The following AKR1C2 variants were observed in gnomAD, a reference collection of about 807,000 sequenced individuals.
AKR1C2 encodes the protein aldo-keto reductase family 1 member C2, also known as 3-alpha-HSD3.
In AKR1C2, 27 loss-of-function variants were observed where a neutral mutation model predicts 39.8. That is an observed-to-expected ratio of 0.68 (90% CI 0.50 to 0.93). AKR1C2 has a LOEUF of 0.93. Ranked by LOEUF, AKR1C2 falls within the 40% of genes least tolerant of loss-of-function variation. The pLI, the probability that AKR1C2 is intolerant of heterozygous loss-of-function variation, is 0.00. For synonymous variants in AKR1C2, 114 were observed against 137.9 expected, an observed-to-expected ratio of 0.83 and a Z score of 1.22; for missense variants, 263 against 365.1, an observed-to-expected ratio of 0.72 and a Z score of 2.28.
At chr10:5,000,188 C>T (rs1837212738) in intron 3 of AKR1C2, 1 of 1,407,292 alleles carries the variant, frequency 7.1e-7, no homozygotes, top group African/African-American at 1.4e-5. Context: ...CTATGTGCAG[C>T]AGGTTTTCTG....
rs13222 is a variant in AKR1C2 at position 4,995,770 on chromosome 10, A to G, written c.666T>C (p.His222=). ...TCTCTTATTACCATGGTTCTTCTCG[A>G]TGGGATCCCAGAGCACTATAGGCAA... The part of the protein sequence containing the change: ...VLVAYSALGS[H]REEPWVDPNS... The change falls in exon 6 of 9, where the codon CAT becomes CAC. Residue 222 remains histidine (H), a synonymous_variant. Transcript: ENST00000380753. 2.6e-3 allele frequency: 4,190 copies of G among 1,596,910 alleles called. 85 individuals carry two copies. The African/African-American group carries it at 0.045, about 17-fold the overall frequency.
upstream of AKR1C2, among the ~76,000 whole-genome samples, chr10:5,008,625 T>C (rs1186973992): frequency 1.3e-5 from 2 of 152,090 alleles, no homozygotes; most frequent in Non-Finnish European, 2.9e-5. Flanking sequence ...GAGAGGAATA[T>C]GAGGAAAGGG....
intron 7 of AKR1C2, among the ~76,000 whole-genome samples, chr10:4,993,778 T>TTAATCTA (rs1346921966): frequency 3.3e-5 from 5 of 151,620 alleles, no homozygotes; most frequent in Non-Finnish European, 5.9e-5. Context: ...TGGTTTCTAG[T>TTAATCTA]TAATCTAACA....
chr10:4,989,937 C>T lies in AKR1C2; in HGVS notation c.*59G>A. On this transcript the variant is annotated 3_prime_UTR_variant, in exon 9 of 9. Transcript: ENST00000380753. The stretch of plus-strand genomic sequence containing the variant: ...GTCCAGTCACCAGCATAGAGCCATC[C>T]TCTGTGTCACCATCCACACGCAGGG... 2 of 1,469,460 alleles carry T rather than the reference C, an allele frequency of 1.4e-6. No homozygotes were observed. Among genetic ancestry groups the T allele is most frequent in the South Asian group, 2.3e-5 (2 of 85,824 alleles). The allele number at this position is 1,469,460 out of a possible 1,614,324, so 91.0% of individuals were successfully genotyped here.
At chr10:5,005,590 G>A (rs1302790758), upstream of AKR1C2, among the ~76,000 whole-genome samples, 8 of 152,140 alleles carry the variant, frequency 5.3e-5, no homozygotes, top group African/African-American at 1.9e-4. Flanking sequence ...GGCTAAAGCA[G>A]AGGAATCGCT....
intron 1 of AKR1C2, among the ~76,000 whole-genome samples, chr10:5,011,929 G>A (rs111468914): frequency 1.6e-4 from 24 of 152,218 alleles, no homozygotes; most frequent in South Asian, 1.0e-3. Flanking sequence ...GTTATAACAT[G>A]GAAGTAGTTG....
chr10:4,996,417 A>G (rs1588300935), intron 5 of AKR1C2, among the ~76,000 whole-genome samples: 1 of 150,190 alleles, frequency 6.7e-6, no homozygotes, highest in Non-Finnish European at 1.5e-5. Flanking sequence ...TCCTTTTTGT[A>G]TGATGGATTT....
intron 7 of AKR1C2, among the ~76,000 whole-genome samples, chr10:4,993,011 G>T (rs1353633405): frequency 6.6e-6 from 1 of 151,916 alleles, no homozygotes. Context: ...ATTAAGAGAT[G>T]ATTTATTAAT....
At chr10:5,007,637 A>G (rs1435622150), upstream of AKR1C2, 4 of 150,506 alleles carry the variant, frequency 2.7e-5, no homozygotes, top group East Asian at 7.9e-4. Context: ...GCAGACATAA[A>G]TTTCAGGTCT....
At chr10:5,006,942 T>C (rs548096656), upstream of AKR1C2, among the ~76,000 whole-genome samples, 1,805 of 151,130 alleles carry the variant, frequency 0.012, 39 homozygotes, top group African/African-American at 0.042. Flanking sequence ...CCCAGCTAAT[T>C]TTTGTATTTT....
intron 1 of AKR1C2, chr10:5,013,618 G>T (rs1257480506): frequency 1.7e-4 from 27 of 157,414 alleles, no homozygotes; most frequent in African/African-American, 6.4e-4. Context: ...ATTTCTCCAG[G>T]GCCTAGGAAA....
At chr10:4,990,134 T>C in intron 8 of AKR1C2, 96 bp from the exon 9 acceptor site, 4 of 1,428,268 alleles carry the variant, frequency 2.8e-6, no homozygotes, top group Non-Finnish European at 3.8e-6. Context: ...CTAGTGTAGA[T>C]GTTAAGAAGT....
rs1836762716 is a variant in AKR1C2, at chr10:4,989,439, C to A, written c.*557G>T. The stretch of plus-strand genomic sequence containing the variant: ...CTGGTGCCCTCCCATCTCCCTAACC[C>A]CCCCTCACAGGGATGCCTCCTCCCA... On this transcript the variant is annotated 3_prime_UTR_variant, in exon 9 of 9. Coordinates refer to ENST00000380753, the MANE Select transcript of AKR1C2 (RefSeq NM_001393392.1). 1 of 151,386 alleles carries A rather than the reference C, an allele frequency of 6.6e-6. No individual in the cohort carries two copies. Among genetic ancestry groups the A allele is most frequent in the South Asian group, 2.1e-4 (1 of 4,722 alleles). 9.4% of individuals were successfully genotyped at this position (151,386 alleles called of 1,614,324 possible).
intron 1 of AKR1C2, chr10:5,010,397 G>A (rs547925275): frequency 1.1e-4 from 15 of 139,150 alleles, no homozygotes; most frequent in Admixed American, 6.5e-4. Flanking sequence ...TCTCGGGGTC[G>A]CCCAGGAGAG....
upstream of AKR1C2, among the ~76,000 whole-genome samples, chr10:5,005,714 CAAG>C (rs1305118209): frequency 6.6e-6 from 1 of 152,072 alleles, no homozygotes; most frequent in African/African-American, 2.4e-5. Flanking sequence ...TACAAAGAAA[CAAG>C]AAATCACAGT....
At chr10:5,001,937 T>G (rs1288391867) in intron 1 of AKR1C2, among the ~76,000 whole-genome samples, 7 of 152,230 alleles carry the variant, frequency 4.6e-5, no homozygotes, top group African/African-American at 1.7e-4. Flanking sequence ...ACAATTTCAC[T>G]TTCAGTGATT....
intron 8 of AKR1C2, among the ~76,000 whole-genome samples, chr10:4,990,731 A>T (rs1422110078): frequency 1.3e-5 from 2 of 152,158 alleles, no homozygotes; most frequent in Non-Finnish European, 2.9e-5. Flanking sequence ...GAGAGCAAAC[A>T]CTTGGAAGCT....
chr10:5,006,732 A>G (rs537112533), upstream of AKR1C2: 5 of 142,048 alleles, frequency 3.5e-5, no homozygotes, highest in South Asian at 1.1e-3. Flanking sequence ...TAATGTGATC[A>G]ATAAAAAAAA....
rs531114833 is a variant in AKR1C2, at chr10:4,992,181, A to G, written c.847-268T>C. 9.0e-4 allele frequency among the ~76,000 whole-genome samples: 135 copies of G among 150,494 alleles called. 2 individuals are homozygous for G. The highest frequency in any genetic ancestry group is 8.9e-3 in the Admixed American group (134 of 15,100). Reference sequence around the variant, plus strand: ...TCAGAGGAAGCTGAAGAAGAAACAGAGCTTACTTTGTGCCCACATGATAGG... The same window carrying G: ...TCAGAGGAAGCTGAAGAAGAAACAGGGCTTACTTTGTGCCCACATGATAGG... On this transcript the variant is annotated intron_variant, in intron 7 of 8. Transcript: ENST00000380753.
Sources: allele counts gnomAD v4.1 joint callset (sites outside exome capture counted in the v4.1 genomes callset), GRCh38; gene constraint gnomAD v4.1.1; transcripts MANE v1.5; gene names NCBI Gene and HGNC (gene_info 2026-07-23, HGNC 2026-07-21).